Variants in MTSS1 observed in about 807,000 individuals in gnomAD.
MTSS1 encodes the protein MTSS I-BAR domain containing 1, also known as protein MTSS 1.
A neutral mutation model predicts 79.0 loss-of-function variants in MTSS1; 18 were observed. The observed-to-expected ratio is 0.23, with a 90% confidence interval of 0.16 to 0.34. The LOEUF is 0.34. Among genes scored for constraint, MTSS1 ranks in the 10% least tolerant of loss-of-function variants. The pLI, the probability that MTSS1 is intolerant of heterozygous loss-of-function variation, is 1.00. For missense variants in MTSS1, 815 were observed against 986.2 expected, an observed-to-expected ratio of 0.83 and a Z score of 2.33; for synonymous variants, 341 against 368.6, an observed-to-expected ratio of 0.93 and a Z score of 0.86.
intron 3 of MTSS1, among the ~76,000 whole-genome samples, chr8:124,665,294 C>CT (rs1250844576): frequency 1.3e-5 from 2 of 152,198 alleles, no homozygotes; most frequent in Non-Finnish European, 2.9e-5. Context: ...TGTTCAGTGA[C>CT]TAATTCTATT....
chr8:124,575,342 T>G (rs1828759678), intron 6 of MTSS1, among the ~76,000 whole-genome samples: 1 of 152,234 alleles, frequency 6.6e-6, no homozygotes, highest in Non-Finnish European at 1.5e-5. Flanking sequence ...TTCAACCTAC[T>G]GTGCCCCAGT....
chr8:124,706,326 G>C (rs977399847), intron 1 of MTSS1, among the ~76,000 whole-genome samples: 2 of 152,140 alleles, frequency 1.3e-5, no homozygotes, highest in African/African-American at 2.4e-5. Context: ...CTGGAGTCTT[G>C]TGAGTTTTCT....
At chr8:124,675,512 A>C (rs1473475514) in intron 3 of MTSS1, among the ~76,000 whole-genome samples, 1 of 152,236 alleles carries the variant, frequency 6.6e-6, no homozygotes, top group Non-Finnish European at 1.5e-5. Context: ...AGTGAAATTG[A>C]CATAAGACAA....
chr8:124,686,351 T>C (rs138378070), intron 3 of MTSS1, among the ~76,000 whole-genome samples: 5 of 152,196 alleles, frequency 3.3e-5, no homozygotes, highest in Non-Finnish European at 5.9e-5. Flanking sequence ...AAAACTTGCA[T>C]ATTTTCACTC....
chr8:124,720,949 A>C (rs1165481504), intron 1 of MTSS1, among the ~76,000 whole-genome samples: 1 of 152,252 alleles, frequency 6.6e-6, no homozygotes, highest in Non-Finnish European at 1.5e-5. Context: ...CAAGACTTAC[A>C]GAGATTAAAT....
At chr8:124,626,977 C>T (rs752767850) in intron 3 of MTSS1, among the ~76,000 whole-genome samples, 25 of 152,178 alleles carry the variant, frequency 1.6e-4, no homozygotes, top group Non-Finnish European at 3.4e-4. Flanking sequence ...AGCCTGCACA[C>T]AGGGGTTGGA....
intron 3 of MTSS1, among the ~76,000 whole-genome samples, chr8:124,620,045 G>A (rs571065034): frequency 2.6e-5 from 4 of 152,078 alleles, no homozygotes; most frequent in South Asian, 2.1e-4. Context: ...TCCGCCTCCC[G>A]GGTTCAAAGC....
chr8:124,668,587 G>A (rs139783825), intron 3 of MTSS1, among the ~76,000 whole-genome samples: 144 of 152,242 alleles, frequency 9.5e-4, no homozygotes, highest in African/African-American at 3.1e-3. Flanking sequence ...GCACCTACCC[G>A]TGACACTCTT....
chr8:124,602,207 A>ATATATATATATAT, intron 3 of MTSS1, among the ~76,000 whole-genome samples: 3 of 142,208 alleles, frequency 2.1e-5, no homozygotes, highest in African/African-American at 8.2e-5. Context: ...ATATATATAT[A>ATATATATATATAT]ATTTTTTTTT....
At chr8:124,588,286 T>C (rs1288506002) in intron 5 of MTSS1, among the ~76,000 whole-genome samples, 6 of 152,224 alleles carry the variant, frequency 3.9e-5, no homozygotes, top group African/African-American at 1.2e-4. Flanking sequence ...TGGGTCTTCA[T>C]TGCAGTCTTC....
Position 124,699,953 on chromosome 8 carries a change from C to T in MTSS1, c.135-354G>A, listed in dbSNP as rs116712961. Among the ~76,000 whole-genome samples the T allele has an allele frequency of 6.1e-3, 932 of 152,220 alleles. 15 individuals are homozygous for T. The highest frequency in any genetic ancestry group is 0.022 in the African/African-American group (902 of 41,532). ...CTTGAGATCAAGAGTTCGAGACCAACCTGGCCAAGATGGTGAAACCCCGTG... is the reference window on the plus strand; with the variant it reads ...CTTGAGATCAAGAGTTCGAGACCAATCTGGCCAAGATGGTGAAACCCCGTG... On this transcript the variant is annotated intron_variant, in intron 2 of 13. Coordinates refer to ENST00000518547, the MANE Select transcript of MTSS1 (RefSeq NM_014751.6).
intron 6 of MTSS1, among the ~76,000 whole-genome samples, chr8:124,569,908 C>G (rs1019363531): frequency 6.6e-6 from 1 of 152,184 alleles, no homozygotes; most frequent in Non-Finnish European, 1.5e-5. Context: ...TGAACCTATT[C>G]TCTGCCCCAC....
intron 3 of MTSS1, among the ~76,000 whole-genome samples, chr8:124,659,154 A>G (rs1326138690): frequency 6.7e-6 from 1 of 148,338 alleles, no homozygotes; most frequent in Non-Finnish European, 1.5e-5. Context: ...AGATATAACC[A>G]GAATCATGGA....
At position 124,699,534 on chromosome 8, in the gene MTSS1, T is replaced by C. The variant is rs746273702; in HGVS notation, c.200A>G (p.Asn67Ser). Residue 67 changes from asparagine to serine, a missense_variant, in exon 3 of 14, where the codon AAC (asparagine) becomes AGC (serine). Physicochemically the swap from Asn to Ser is conservative, Grantham distance 46. Coordinates refer to ENST00000518547, the MANE Select transcript of MTSS1 (RefSeq NM_014751.6). ...AFQKVADMAT[N>S]TRGGTREIGS... is the part of the protein sequence containing the mutation. ...AGCCTCCATCTGCTTACCACGTGTG[T>C]TGGTGGCCATGTCAGCCACTTTCTG... is the stretch of plus-strand genomic sequence containing the variant. The C allele has an allele frequency of 9.3e-6, 15 of 1,614,158 alleles. 1 individual carries two copies. Among genetic ancestry groups the C allele is most frequent in the South Asian group, 2.2e-5 (2 of 91,086 alleles).
At chr8:124,657,379 T>G (rs995916400) in intron 3 of MTSS1, among the ~76,000 whole-genome samples, 13 of 151,888 alleles carry the variant, frequency 8.6e-5, no homozygotes, top group African/African-American at 3.1e-4. Flanking sequence ...TGTTTAAAAC[T>G]TCCCATAATA....
chr8:124,595,869 T>C (rs903167581), intron 3 of MTSS1, among the ~76,000 whole-genome samples: 1 of 152,172 alleles, frequency 6.6e-6, no homozygotes, highest in African/African-American at 2.4e-5. Flanking sequence ...CCCATGATGC[T>C]AACTCCATCC....
At chr8:124,598,510 G>C (rs1303033109) in intron 3 of MTSS1, among the ~76,000 whole-genome samples, 1 of 152,140 alleles carries the variant, frequency 6.6e-6, no homozygotes, top group Non-Finnish European at 1.5e-5. Context: ...TTCCAGTGCT[G>C]TTCCAGGGAA....
chr8:124,618,352 G>A (rs1407347794), intron 3 of MTSS1, among the ~76,000 whole-genome samples: 1 of 152,180 alleles, frequency 6.6e-6, no homozygotes, highest in Non-Finnish European at 1.5e-5. Flanking sequence ...AAACTTTTCT[G>A]TTTCACAACA....
At chr8:124,586,540 A>T (rs1046355505) in intron 5 of MTSS1, among the ~76,000 whole-genome samples, 1 of 151,840 alleles carries the variant, frequency 6.6e-6, no homozygotes, top group Non-Finnish European at 1.5e-5. Flanking sequence ...CTCCCCCTAC[A>T]AGCTCCCCAG....
Sources: gnomAD v4.1 joint callset for allele counts (sites outside exome capture counted in the v4.1 genomes callset) on GRCh38, gnomAD v4.1.1 for gene constraint, MANE v1.5 for transcripts, NCBI Gene and HGNC (gene_info 2026-07-23, HGNC 2026-07-21) for gene names.